Variants in AP1G1 observed in about 807,000 individuals in gnomAD.
AP1G1 encodes adaptor related protein complex 1 subunit gamma 1, also known as AP-1 complex subunit gamma-1.
A neutral mutation model predicts 108.3 loss-of-function variants in AP1G1; 7 were observed. That is an observed-to-expected ratio of 0.06 (90% confidence interval 0.04 to 0.12). AP1G1 has a LOEUF of 0.12. AP1G1 is among the 10% of genes least tolerant of loss of function. The probability of loss-of-function intolerance (pLI) is 1.00; values close to 1 mark genes in which losing one functional copy is unlikely to be tolerated. For missense variants in AP1G1, 756 were observed against 1,010.7 expected (o/e 0.75, Z 3.42); for synonymous variants, 379 against 353.5 (o/e 1.07, Z -0.81).
chr16:71,750,835 A>C (rs940289696), intron 13 of AP1G1, among the ~76,000 whole-genome samples: 9 of 152,162 alleles, frequency 5.9e-5, no homozygotes, highest in Admixed American at 4.6e-4. Context: ...TTACATTTTT[A>C]AATTTTATTT....
intron 12 of AP1G1, 29 bp from the exon 13 acceptor site, chr16:71,753,916 G>C (rs2030636137): frequency 6.2e-7 from 1 of 1,605,410 alleles, no homozygotes; most frequent in African/African-American, 1.3e-5. Context: ...AGGGACACTT[G>C]GAACCAGTAA....
At position 71,774,605 on chromosome 16, in the gene AP1G1, A is replaced by T. The variant is rs79555311; in HGVS notation, c.202-13T>A. On this transcript the variant is annotated splice_polypyrimidine_tract_variant and intron_variant, in intron 2 of 22. Transcript: ENST00000299980. ...TGAGGCACTCCAACTGCAAAAAAAGAAAAAAAAAAAGAAGGAAATTAAAAC... is the reference window on the plus strand; with the variant it reads ...TGAGGCACTCCAACTGCAAAAAAAGTAAAAAAAAAAGAAGGAAATTAAAAC... 7.5e-6 allele frequency: 7 copies of T among 936,558 alleles called. No homozygotes were observed. Among genetic ancestry groups the T allele is most frequent in the Non-Finnish European group, 1.0e-5 (7 of 684,652 alleles). 58.0% of individuals were successfully genotyped at this position (936,558 alleles called of 1,614,324 possible). A position where few individuals can be genotyped will look rare whatever the true frequency, so the allele number is the denominator to read the frequency against.
chr16:71,750,111 A>C, intron 14 of AP1G1, 99 bp downstream of exon 14: 1 of 1,501,986 alleles, frequency 6.7e-7, no homozygotes, highest in Non-Finnish European at 9.2e-7. Context: ...ATAAAGACAT[A>C]CCAAAGGGGA....
At chr16:71,798,668 AC>A (rs2032673072) in intron 1 of AP1G1, among the ~76,000 whole-genome samples, 1 of 151,940 alleles carries the variant, frequency 6.6e-6, no homozygotes, top group African/African-American at 2.4e-5. Context: ...CAGGCAGATC[AC>A]CTGAGGTCAG....
At chr16:71,785,999 A>G (rs2032190799) in intron 2 of AP1G1, among the ~76,000 whole-genome samples, 1 of 152,224 alleles carries the variant, frequency 6.6e-6, no homozygotes, top group Admixed American at 6.5e-5. Context: ...AGGTAATTCC[A>G]ACGGATGGGG....
intron 21 of AP1G1, among the ~76,000 whole-genome samples, chr16:71,738,363 G>T (rs916786033): frequency 6.6e-6 from 1 of 151,956 alleles, no homozygotes; most frequent in Non-Finnish European, 1.5e-5. Context: ...CCGGCCTCAA[G>T]ATTTTTCACT....
At chr16:71,807,703 G>A (rs1157030231) in intron 1 of AP1G1, 2 of 803,222 alleles carry the variant, frequency 2.5e-6, no homozygotes, top group Non-Finnish European at 1.8e-6. Context: ...GATCATTACT[G>A]TACAAACACT....
At chr16:71,750,425 C>T in intron 13 of AP1G1, 93 bp from the exon 14 acceptor site, 1 of 1,501,064 alleles carries the variant, frequency 6.7e-7, no homozygotes, top group Non-Finnish European at 9.1e-7. Context: ...TTTTTCCTTT[C>T]TTTTTTTGAG....
chr16:71,800,018 C>T (rs1009843418), intron 1 of AP1G1, among the ~76,000 whole-genome samples: 20 of 150,276 alleles, frequency 1.3e-4, no homozygotes, highest in African/African-American at 2.7e-4. Flanking sequence ...CCCAGGAGTT[C>T]GAGATCAGCC....
chr16:71,761,403 T>C (rs1050173616), intron 10 of AP1G1, 109 bp downstream of exon 10: 12 of 819,064 alleles, frequency 1.5e-5, no homozygotes, highest in Admixed American at 2.3e-5. Context: ...AATTCTGAGC[T>C]AAAAGTTCTA....
chr16:71,792,144 A>G (rs1053798194), intron 1 of AP1G1, among the ~76,000 whole-genome samples: 1 of 152,126 alleles, frequency 6.6e-6, no homozygotes, highest in Non-Finnish European at 1.5e-5. Flanking sequence ...TAAACTAGAG[A>G]CGTGAACTAT....
intron 2 of AP1G1, among the ~76,000 whole-genome samples, chr16:71,776,176 G>C (rs1020164448): frequency 6.6e-6 from 1 of 152,122 alleles, no homozygotes; most frequent in Non-Finnish European, 1.5e-5. Flanking sequence ...TACTAAATTC[G>C]AAAGTGAAAT....
chr16:71,738,011 A>G (rs2045571098), intron 21 of AP1G1, among the ~76,000 whole-genome samples: 1 of 152,184 alleles, frequency 6.6e-6, no homozygotes, highest in South Asian at 2.1e-4. Flanking sequence ...AAGAAAAACT[A>G]CCCACTCCTC....
intron 17 of AP1G1, 114 bp from the exon 18 acceptor site, chr16:71,745,728 C>A: frequency 1.2e-6 from 1 of 844,148 alleles, no homozygotes; most frequent in Non-Finnish European, 2.0e-6. Flanking sequence ...CCCTCCCCAT[C>A]CAACACACAC....
rs958312148 is a variant in AP1G1, at chr16:71,781,769, T to C, written c.202-7177A>G. 1.1e-4 allele frequency among the ~76,000 whole-genome samples: 16 copies of C among 152,356 alleles called. 1 individual carries two copies. The highest frequency in any genetic ancestry group is 7.7e-4 in the East Asian group (4 of 5,190). On this transcript the variant is annotated intron_variant, in intron 2 of 22. Coordinates refer to ENST00000299980, the MANE Select transcript of AP1G1 (RefSeq NM_001128.6). The stretch of plus-strand genomic sequence containing the variant: ...CAGATTGTTTGCAATGTTTTACCTA[T>C]TAGAAACACTGCTGAAATGAATACT...
chr16:71,796,100 G>C (rs886699382), intron 1 of AP1G1, among the ~76,000 whole-genome samples: 1 of 152,168 alleles, frequency 6.6e-6, no homozygotes, highest in African/African-American at 2.4e-5. Flanking sequence ...AGTTGGGAGT[G>C]GTGGCGCATG....
chr16:71,773,737 G>C (rs1194545223), intron 3 of AP1G1, among the ~76,000 whole-genome samples: 1 of 152,104 alleles, frequency 6.6e-6, no homozygotes. Context: ...GAAGTCAAGA[G>C]TTCGAGACCA....
Position 71,755,001 on chromosome 16 carries a change from A to G in AP1G1, c.1229+1018T>C, listed in dbSNP as rs896194871. Among the ~76,000 whole-genome samples the G allele has an allele frequency of 2.6e-5, 4 of 152,332 alleles. No homozygotes were observed. In the South Asian group the frequency reaches 8.3e-4, roughly 32 times the overall value. Reference sequence around the variant, plus strand: ...GACCAAGACAACATTTGGACTAAAAACTTGTTTCCTTAAATTCAGAGTGGA... The same window carrying G: ...GACCAAGACAACATTTGGACTAAAAGCTTGTTTCCTTAAATTCAGAGTGGA... On this transcript the variant is annotated intron_variant, in intron 12 of 22. Transcript: ENST00000299980.
chr16:71,786,473 TTTTTTTGA>T (rs2032205768), intron 2 of AP1G1, among the ~76,000 whole-genome samples: 1 of 152,070 alleles, frequency 6.6e-6, no homozygotes, highest in Non-Finnish European at 1.5e-5. Context: ...AAAAATTTTT[TTTTTTTGA>T]GAAAGAGTCT....
Sources: allele counts gnomAD v4.1 joint callset (sites outside exome capture counted in the v4.1 genomes callset), GRCh38; gene constraint gnomAD v4.1.1; transcripts MANE v1.5; gene names NCBI Gene and HGNC (gene_info 2026-07-23, HGNC 2026-07-21).